The following TTC21B variants were observed in gnomAD, a reference collection of about 807,000 sequenced individuals.
TTC21B encodes the protein tetratricopeptide repeat protein 21B.
TTC21B carries 127 observed loss-of-function variants against 175.1 expected under a neutral mutation model. The observed-to-expected ratio is 0.73, with a 90% CI of 0.63 to 0.84. The LOEUF (loss-of-function observed/expected upper bound fraction) is 0.84. Among genes scored for constraint, TTC21B ranks in the 40% least tolerant of loss-of-function variants. The probability of loss-of-function intolerance (pLI) is 0.00; values close to 1 mark genes in which losing one functional copy is unlikely to be tolerated. For synonymous variants in TTC21B, 524 were observed against 524.5 expected (o/e 1.00, Z 0.01); for missense variants, 1,561 against 1,558.3 (o/e 1.00, Z -0.03).
intron 22 of TTC21B, among the ~76,000 whole-genome samples, chr2:165,897,690 C>T (rs1235551167): frequency 6.6e-6 from 1 of 151,952 alleles, no homozygotes; most frequent in Admixed American, 6.6e-5. Context: ...ACAAAGTCAC[C>T]TAGGGGGTGA....
chr2:165,897,760 T>C (rs936369234), intron 22 of TTC21B, among the ~76,000 whole-genome samples: 8 of 152,220 alleles, frequency 5.3e-5, no homozygotes, highest in Non-Finnish European at 1.2e-4. Context: ...TATTTAAACG[T>C]CATACAGAGA....
intron 4 of TTC21B, among the ~76,000 whole-genome samples, chr2:165,943,979 CTG>C (rs1687459684): frequency 6.6e-6 from 1 of 152,028 alleles, no homozygotes; most frequent in Non-Finnish European, 1.5e-5. Flanking sequence ...AAATAAAAAA[CTG>C]TGAAATGTGC....
chr2:165,928,472 T>C (rs1055678166), intron 11 of TTC21B, among the ~76,000 whole-genome samples: 1 of 152,022 alleles, frequency 6.6e-6, no homozygotes, highest in Non-Finnish European at 1.5e-5. Context: ...ATAGTAAACT[T>C]AATGAGAGGC....
At chr2:165,881,493 CTG>C (rs1414165142) in intron 26 of TTC21B, among the ~76,000 whole-genome samples, 3 of 152,218 alleles carry the variant, frequency 2.0e-5, no homozygotes, top group Non-Finnish European at 2.9e-5. Context: ...GTCTGTCTCT[CTG>C]TGTCTCTTTT....
intron 6 of TTC21B, among the ~76,000 whole-genome samples, chr2:165,938,120 CTCA>C (rs66902655): frequency 0.68 from 103,488 of 151,470 alleles, 35,827 homozygotes; most frequent in East Asian, 0.8. Context: ...TCCAGAAGCA[CTCA>C]TCTAAATCCA....
At chr2:165,931,715 T>C in intron 8 of TTC21B, 43 bp downstream of exon 8, 1 of 1,501,484 alleles carries the variant, frequency 6.7e-7, no homozygotes, top group Non-Finnish European at 9.3e-7. Context: ...TTATGTCCTC[T>C]ACTATAGATA....
chr2:165,874,145 G>A lies in TTC21B; in HGVS notation c.*610C>T, dbSNP rs1469148905. 6.6e-6 allele frequency: 1 copy of A among 152,260 alleles called. No homozygotes were observed. The highest frequency in any genetic ancestry group is 2.1e-4 in the South Asian group (1 of 4,828). 9.4% of individuals were successfully genotyped at this position (152,260 alleles called of 1,614,324 possible). Reference sequence around the variant, plus strand: ...GTGGATCACAAGGTCAAGAGATCAAGCCCCTCCTGGCTAACACGGTGAAAT... The same window carrying A: ...GTGGATCACAAGGTCAAGAGATCAAACCCCTCCTGGCTAACACGGTGAAAT... On this transcript the variant is annotated 3_prime_UTR_variant, in exon 29 of 29. Coordinates refer to ENST00000243344, the MANE Select transcript of TTC21B (RefSeq NM_024753.5).
Position 165,888,374 on chromosome 2 carries a change from G to A in TTC21B, c.3364C>T (p.Leu1122Phe), listed in dbSNP as rs1202422393. 1.2e-6 allele frequency: 2 copies of A among 1,613,680 alleles called. No individual in the cohort carries two copies. Among genetic ancestry groups the A allele is most frequent in the Non-Finnish European group, 1.7e-6 (2 of 1,179,780 alleles). Residue 1122 changes from leucine (L) to phenylalanine (F), a missense_variant, in exon 25 of 29, where the codon CTT becomes TTT. Physicochemically the swap from Leu to Phe is conservative, Grantham distance 22. Transcript: ENST00000243344. Reference protein sequence around the residue: ...KPQTVQGHVQLRIMENYCLMA... With the variant: ...KPQTVQGHVQFRIMENYCLMA... ...AAGCAATAGTTTTCCATTATGCGAA[G>A]CTGTACGTGACCCTGAACAGTCTGA...
intron 19 of TTC21B, among the ~76,000 whole-genome samples, chr2:165,906,955 C>CAAAAA (rs1160627145): frequency 2.7e-4 from 16 of 60,238 alleles, no homozygotes; most frequent in East Asian, 5.3e-4. Context: ...AACTCCGTCT[C>CAAAAA]AAAAAAAAAA....
At chr2:165,943,556 T>G (rs1043191180) in intron 4 of TTC21B, among the ~76,000 whole-genome samples, 4 of 152,190 alleles carry the variant, frequency 2.6e-5, no homozygotes, top group African/African-American at 9.6e-5. Context: ...TTAACATTAC[T>G]ATTAAGCTCA....
intron 22 of TTC21B, chr2:165,898,477 G>A (rs1685445699): frequency 8.0e-6 from 5 of 621,930 alleles, no homozygotes; most frequent in South Asian, 1.9e-5. Context: ...GGATTACCAG[G>A]TTTGTGCTCA....
In TTC21B at chr2:165,874,749, T is replaced by C. The variant is rs1684609840; in HGVS notation, c.*6A>G. Reference sequence around the variant, plus strand: ...TGTTAAACCAACACCTAAGTTAAAATTATTTTCAAGGTCTTAAAGACGCAC... The same window carrying C: ...TGTTAAACCAACACCTAAGTTAAAACTATTTTCAAGGTCTTAAAGACGCAC... On this transcript the variant is annotated 3_prime_UTR_variant, in exon 29 of 29. Transcript: ENST00000243344. 1 of 1,612,720 alleles carries C rather than the reference T, an allele frequency of 6.2e-7. No individual in the cohort carries two copies. The highest frequency in any genetic ancestry group is 8.5e-7 in the Non-Finnish European group (1 of 1,178,908).
Position 165,913,003 on chromosome 2 carries a change from AAAG to A in TTC21B, c.2212-382_2212-380del, listed in dbSNP as rs201441060. On this transcript the variant is annotated intron_variant, in intron 16 of 28. Transcript: ENST00000243344. ...TGTAGCTCCCTTTATCCTTCTGTAT[AAAG>A]AAGAAGACTCCTAACATACCTCTGG... Among the ~76,000 whole-genome samples, 52 of 152,226 alleles carry A rather than the reference AAAG, an allele frequency of 3.4e-4. No individual in the cohort carries two copies. In the East Asian group the frequency reaches 9.5e-3, roughly 28 times the overall value.
chr2:165,926,683 G>C (rs879916060), intron 11 of TTC21B, among the ~76,000 whole-genome samples: 7 of 152,062 alleles, frequency 4.6e-5, no homozygotes, highest in African/African-American at 1.7e-4. Flanking sequence ...TCAAGAGGCT[G>C]AGAAAGGCAG....
chr2:165,928,079 G>A (rs958506067), intron 11 of TTC21B, among the ~76,000 whole-genome samples: 6 of 152,128 alleles, frequency 3.9e-5, no homozygotes, highest in African/African-American at 1.4e-4. Flanking sequence ...GTACAACATA[G>A]GGTTTCATCT....
chr2:165,891,606 CATTCATTCAT>C (rs2105293009), intron 22 of TTC21B, among the ~76,000 whole-genome samples: 1 of 151,974 alleles, frequency 6.6e-6, no homozygotes, highest in African/African-American at 2.4e-5. Context: ...TTCATTCATT[CATTCATTCAT>C]TCCTTTGATC....
chr2:165,906,254 T>TAAAAAAAAAAAAAAAAAAAAAAAA (rs1163343694), intron 19 of TTC21B, among the ~76,000 whole-genome samples: 1 of 45,282 alleles, frequency 2.2e-5, no homozygotes, highest in Non-Finnish European at 4.0e-5. Flanking sequence ...TTCAAGAGGC[T>TAAAAAAAAAAAAAAAAAAAAAAAA]AAAAAAAAAA....
At position 165,899,763 on chromosome 2, in the gene TTC21B, G is replaced by A. The variant is rs1331625459; in HGVS notation, c.2868+7C>T. The A allele has an allele frequency of 1.3e-6, 2 of 1,592,542 alleles. No homozygotes were observed. Among genetic ancestry groups the A allele is most frequent in the East Asian group, 2.2e-5 (1 of 44,758 alleles). The stretch of plus-strand genomic sequence containing the variant: ...GCTTTTATTGTACTGAAGTTCCTTG[G>A]ACTGACCATGGTAGCAGCTTCGTTA... On this transcript the variant is annotated splice_region_variant and intron_variant, in intron 21 of 28. Transcript: ENST00000243344.
chr2:165,876,605 A>G (rs1238608122), intron 27 of TTC21B, among the ~76,000 whole-genome samples: 1 of 152,238 alleles, frequency 6.6e-6, no homozygotes, highest in African/African-American at 2.4e-5. Context: ...GTACAGATTT[A>G]TTTAGCACTT....
Sources: allele counts gnomAD v4.1 joint callset (sites outside exome capture counted in the v4.1 genomes callset), GRCh38; gene constraint gnomAD v4.1.1; transcripts MANE v1.5; gene names NCBI Gene and HGNC (gene_info 2026-07-23, HGNC 2026-07-21).